The following SIRT4 variants were observed in gnomAD, a reference collection of about 807,000 sequenced individuals.
SIRT4 encodes NAD-dependent protein lipoamidase sirtuin-4, mitochondrial.
SIRT4 carries 23 observed loss-of-function variants against 26.1 expected under a neutral mutation model. That is an observed-to-expected ratio of 0.88 (90% CI 0.63 to 1.25). The LOEUF (loss-of-function observed/expected upper bound fraction) is 1.25, where lower values mean the gene tolerates loss of function less well. Among genes scored for constraint, SIRT4 ranks in the 50% most tolerant of loss-of-function variants. The pLI, the probability that SIRT4 is intolerant of heterozygous loss-of-function variation, is 0.00. For synonymous variants in SIRT4, 155 were observed against 158.4 expected (o/e 0.98, Z 0.16); for missense variants, 361 against 405.4 (o/e 0.89, Z 0.94).
chr12:120,292,836 G>A, the SIRT4 span, among the ~76,000 whole-genome samples: 2 of 151,882 alleles, frequency 1.3e-5, no homozygotes, highest in African/African-American at 4.8e-5. Flanking sequence ...AAAGAAAACA[G>A]GACAGCCAAC....
the SIRT4 span, among the ~76,000 whole-genome samples, chr12:120,296,406 A>G: frequency 6.7e-6 from 1 of 150,224 alleles, no homozygotes; most frequent in Non-Finnish European, 1.5e-5. Context: ...TTTAGTAGAG[A>G]TGGGGTTTCA....
the SIRT4 span, among the ~76,000 whole-genome samples, chr12:120,295,042 G>A: frequency 1.3e-5 from 2 of 151,386 alleles, no homozygotes; most frequent in East Asian, 3.9e-4. Context: ...TGTTGGCCAG[G>A]CTGGTCTCAA....
chr12:120,297,340 AAGAG>A (rs1271107777), upstream of SIRT4, among the ~76,000 whole-genome samples: 1 of 114,096 alleles, frequency 8.8e-6, no homozygotes, highest in African/African-American at 3.1e-5. Flanking sequence ...AAAAAAAAAA[AAGAG>A]AGAGAGAAAA....
At chr12:120,296,710 A>T in the SIRT4 span, among the ~76,000 whole-genome samples, 1 of 151,216 alleles carries the variant, frequency 6.6e-6, no homozygotes, top group African/African-American at 2.4e-5. Flanking sequence ...GGGTTTCACC[A>T]TGTTGCCCAT....
intron 2 of SIRT4, among the ~76,000 whole-genome samples, chr12:120,310,265 C>T (rs561749948): frequency 5.1e-4 from 77 of 152,140 alleles, no homozygotes; most frequent in South Asian, 8.3e-4. Flanking sequence ...GCTCGGGAGG[C>T]TGAGGCAGGA....
rs201019576 is a variant in SIRT4, at chr12:120,303,677, T to G, written c.116T>G (p.Leu39Arg). 3 of 1,614,194 alleles carry G rather than the reference T, an allele frequency of 1.9e-6. No individual in the cohort carries two copies. Among genetic ancestry groups the G allele is most frequent in the Non-Finnish European group, 2.5e-6 (3 of 1,180,036 alleles). The change falls in exon 2 of 4, where the codon CTG becomes CGG. Residue 39 changes from leucine to arginine, a missense_variant. By Grantham distance (102) the Leu-to-Arg change is moderately radical (BLOSUM62 -2). Coordinates refer to ENST00000202967, the MANE Select transcript of SIRT4 (RefSeq NM_012240.3). Reference protein sequence around the residue: ...IGLFVPASPPLDPEKVKELQR... With the variant: ...IGLFVPASPPRDPEKVKELQR... ...TTATTTGTGCCAGCAAGTCCTCCTC[T>G]GGACCCTGAGAAGGTCAAAGAGTTA...
the SIRT4 span, chr12:120,293,066 G>T: frequency 9.6e-5 from 12 of 124,598 alleles, no homozygotes; most frequent in African/African-American, 3.2e-4. Context: ...CACAAAAAAA[G>T]CCTCTGTTGT....
the SIRT4 span, among the ~76,000 whole-genome samples, chr12:120,292,633 C>CA: frequency 6.6e-6 from 1 of 150,894 alleles, no homozygotes; most frequent in South Asian, 2.1e-4. Context: ...GAAAACAGGA[C>CA]AGCCAGCTGG....
At chr12:120,300,543 T>A (rs1266761196), upstream of SIRT4, among the ~76,000 whole-genome samples, 1 of 152,098 alleles carries the variant, frequency 6.6e-6, no homozygotes, top group Non-Finnish European at 1.5e-5. Flanking sequence ...TCTCCTGGGC[T>A]CAAAGTGATC....
Position 120,303,745 on chromosome 12 carries a change from G to A in SIRT4, c.184G>A (p.Gly62Arg). The A allele has an allele frequency of 6.2e-7, 1 of 1,614,124 alleles. No individual in the cohort carries two copies. Among genetic ancestry groups the A allele is most frequent in the Non-Finnish European group, 8.5e-7 (1 of 1,180,022 alleles). Residue 62 changes from glycine (G) to arginine (R), a missense_variant, in exon 2 of 4, where the codon GGG becomes AGG. Transcript: ENST00000202967. Reference sequence around the variant, plus strand: ...TTCCAAGAGACTCCTTGTGATGACTGGGGCAGGAATCTCCACCGAATCGGG... The same window carrying A: ...TTCCAAGAGACTCCTTGTGATGACTAGGGCAGGAATCTCCACCGAATCGGG... The part of the protein sequence containing the change: ...TLSKRLLVMT[G>R]AGISTESGIP...
At chr12:120,292,275 G>C in the SIRT4 span, among the ~76,000 whole-genome samples, 1 of 152,160 alleles carries the variant, frequency 6.6e-6, no homozygotes, top group Non-Finnish European at 1.5e-5. Flanking sequence ...GGGGAGTTGG[G>C]AATAATTTTA....
the SIRT4 span, among the ~76,000 whole-genome samples, chr12:120,295,713 A>T: frequency 7.9e-5 from 12 of 152,100 alleles, no homozygotes; most frequent in African/African-American, 2.7e-4. Flanking sequence ...AATTTGAAGC[A>T]ACTTTCACCC....
intron 2 of SIRT4, among the ~76,000 whole-genome samples, chr12:120,307,805 C>CCGAAA (rs1872799306): frequency 1.3e-5 from 2 of 152,052 alleles, no homozygotes; most frequent in Non-Finnish European, 2.9e-5. Context: ...TTGTAATGAG[C>CCGAAA]TGAAATCGCA....
rs758753317 is a variant in SIRT4, at chr12:120,303,750, A to C, written c.189A>C (p.Ala63=). The change falls in exon 2 of 4, where the codon GCA becomes GCC. Residue 63 remains alanine, a synonymous_variant. Coordinates refer to ENST00000202967, the MANE Select transcript of SIRT4 (RefSeq NM_012240.3). ...LSKRLLVMTG[A]GISTESGIPD... ...AGAGACTCCTTGTGATGACTGGGGC[A>C]GGAATCTCCACCGAATCGGGGATAC... is the stretch of plus-strand genomic sequence containing the variant. The C allele has an allele frequency of 1.2e-6, 2 of 1,614,144 alleles. No homozygotes were observed. The highest frequency in any genetic ancestry group is 1.1e-5 in the South Asian group (1 of 91,082).
chr12:120,293,868 G>A, the SIRT4 span, among the ~76,000 whole-genome samples: 1 of 150,816 alleles, frequency 6.6e-6, no homozygotes, highest in Non-Finnish European at 1.5e-5. Flanking sequence ...ATATATAAAT[G>A]GAATCATACA....
chr12:120,310,996 A>G (rs1266834875), intron 2 of SIRT4, among the ~76,000 whole-genome samples: 1 of 142,594 alleles, frequency 7.0e-6, no homozygotes, highest in Non-Finnish European at 1.5e-5. Flanking sequence ...CGGCCTCCCA[A>G]AGTGTTGGGA....
chr12:120,292,290 G>A, the SIRT4 span, among the ~76,000 whole-genome samples: 1 of 152,112 alleles, frequency 6.6e-6, no homozygotes, highest in African/African-American at 2.4e-5. Flanking sequence ...ATTTTAGGAC[G>A]TCACTGTGAC....
At chr12:120,292,079 G>A in the SIRT4 span, among the ~76,000 whole-genome samples, 1 of 152,148 alleles carries the variant, frequency 6.6e-6, no homozygotes, top group Non-Finnish European at 1.5e-5. Context: ...AAACATTCAG[G>A]TTTTGAAAAC....
At chr12:120,311,247 C>T (rs541232392) in intron 2 of SIRT4, among the ~76,000 whole-genome samples, 253 of 149,992 alleles carry the variant, frequency 1.7e-3, no homozygotes, top group African/African-American at 5.2e-3. Flanking sequence ...CCCAGCTACT[C>T]GGGAGGCTGA....
Sources: gnomAD v4.1 joint callset for allele counts (sites outside exome capture counted in the v4.1 genomes callset) on GRCh38, gnomAD v4.1.1 for gene constraint, MANE v1.5 for transcripts, NCBI Gene and HGNC (gene_info 2026-07-23, HGNC 2026-07-21) for gene names.